Variants in PDZRN4 observed in about 807,000 individuals in gnomAD.
The protein encoded by PDZRN4 is PDZ domain containing ring finger 4.
A neutral mutation model predicts 99.0 loss-of-function variants in PDZRN4; 70 were observed. That is an observed-to-expected ratio of 0.71 (90% CI 0.58 to 0.86). The LOEUF (loss-of-function observed/expected upper bound fraction) is 0.86, where lower values mean the gene tolerates loss of function less well. Among genes scored for constraint, PDZRN4 ranks in the 40% least tolerant of loss-of-function variants. The pLI is 0.00. For missense variants in PDZRN4, 1,474 were observed against 1,331.2 expected, an observed-to-expected ratio of 1.11 and a Z score of -1.67; for synonymous variants, 551 against 501.6, an observed-to-expected ratio of 1.10 and a Z score of -1.32.
intron 3 of PDZRN4, among the ~76,000 whole-genome samples, chr12:41,316,303 G>T (rs1384792837): frequency 6.6e-6 from 1 of 152,050 alleles, no homozygotes; most frequent in African/African-American, 2.4e-5. Flanking sequence ...AATCAAGATA[G>T]GGAAGCAATG....
intron 6 of PDZRN4, among the ~76,000 whole-genome samples, chr12:41,554,956 C>T (rs868713358): frequency 4.0e-5 from 6 of 150,752 alleles, no homozygotes; most frequent in African/African-American, 1.5e-4. Flanking sequence ...CGCCTGTAAT[C>T]CTAGCACTTT....
chr12:41,518,091 A>C (rs1485408617), intron 5 of PDZRN4, among the ~76,000 whole-genome samples: 1 of 152,106 alleles, frequency 6.6e-6, no homozygotes, highest in African/African-American at 2.4e-5. Flanking sequence ...ATTGTCTCTG[A>C]AATGAATGAG....
chr12:41,354,893 A>G (rs1173418821), intron 3 of PDZRN4, among the ~76,000 whole-genome samples: 1 of 152,068 alleles, frequency 6.6e-6, no homozygotes, highest in Non-Finnish European at 1.5e-5. Context: ...TATCGTACAT[A>G]CCATTACAAA....
At chr12:41,202,136 G>A (rs1187223587) in intron 3 of PDZRN4, among the ~76,000 whole-genome samples, 1 of 152,098 alleles carries the variant, frequency 6.6e-6, no homozygotes, top group East Asian at 1.9e-4. Context: ...CTTGTAAATG[G>A]TCTTGTGAAA....
At chr12:41,513,446 T>A (rs1461365938) in intron 5 of PDZRN4, among the ~76,000 whole-genome samples, 1 of 152,084 alleles carries the variant, frequency 6.6e-6, no homozygotes, top group Non-Finnish European at 1.5e-5. Flanking sequence ...GCTTGAAACT[T>A]GTTCTCTTTA....
At chr12:41,461,130 T>G (rs1952869748) in intron 3 of PDZRN4, among the ~76,000 whole-genome samples, 1 of 152,160 alleles carries the variant, frequency 6.6e-6, no homozygotes, top group Admixed American at 6.5e-5. Flanking sequence ...CTCCACGTGA[T>G]TCTACCAACC....
intron 3 of PDZRN4, among the ~76,000 whole-genome samples, chr12:41,433,594 A>G (rs1952603080): frequency 6.6e-6 from 1 of 152,196 alleles, no homozygotes; most frequent in Non-Finnish European, 1.5e-5. Context: ...GATAGTGGCA[A>G]GGGTAAAGAG....
chr12:41,351,467 G>T (rs1951889981), intron 3 of PDZRN4, among the ~76,000 whole-genome samples: 1 of 152,022 alleles, frequency 6.6e-6, no homozygotes, highest in Non-Finnish European at 1.5e-5. Context: ...GGTTTAATTG[G>T]CTTATGGTTC....
intron 3 of PDZRN4, among the ~76,000 whole-genome samples, chr12:41,365,240 A>G (rs193184097): frequency 1.4e-4 from 21 of 152,242 alleles, no homozygotes; most frequent in Admixed American, 1.3e-3. Context: ...AATGAAGCCC[A>G]TAGTGATTTA....
At chr12:41,485,951 A>G (rs899309393) in intron 3 of PDZRN4, among the ~76,000 whole-genome samples, 21 of 152,168 alleles carry the variant, frequency 1.4e-4, no homozygotes, top group African/African-American at 5.1e-4. Flanking sequence ...AAGACAACAT[A>G]CTGTTTAGGA....
At position 41,225,445 on chromosome 12, in the gene PDZRN4, T is replaced by TC. The variant is rs1950987088; in HGVS notation, c.843+31258dup. On this transcript the variant is annotated intron_variant, in intron 3 of 9. Coordinates refer to ENST00000402685, the MANE Select transcript of PDZRN4 (RefSeq NM_001164595.2). ...TTTATATTACACTGTGTTTTTTTTT[T>TC]CTGATGTCATCTGTCACCTGTATTA... Among the ~76,000 whole-genome samples the TC allele has an allele frequency of 2.0e-5, 3 of 151,916 alleles. No individual in the cohort carries two copies. The South Asian group carries it at 6.2e-4, about 32-fold the overall frequency.
intron 3 of PDZRN4, among the ~76,000 whole-genome samples, chr12:41,195,512 C>T (rs1437136085): frequency 6.6e-6 from 1 of 151,908 alleles, no homozygotes; most frequent in Non-Finnish European, 1.5e-5. Flanking sequence ...ATATAGAAGA[C>T]CCAATAGTTT....
chr12:41,287,019 C>G (rs532728955), intron 3 of PDZRN4, among the ~76,000 whole-genome samples: 1 of 152,192 alleles, frequency 6.6e-6, no homozygotes, highest in African/African-American at 2.4e-5. Context: ...GCTTTTGTAG[C>G]CTTCTCATTC....
chr12:41,262,714 G>A (rs1179734816), intron 3 of PDZRN4, among the ~76,000 whole-genome samples: 1 of 146,686 alleles, frequency 6.8e-6, no homozygotes, highest in East Asian at 1.9e-4. Context: ...GAAAACTCAA[G>A]GGGAAACTAG....
At chr12:41,263,576 A>T (rs1373426415) in intron 3 of PDZRN4, among the ~76,000 whole-genome samples, 2 of 152,122 alleles carry the variant, frequency 1.3e-5, no homozygotes, top group African/African-American at 2.4e-5. Context: ...AATCCCAGCT[A>T]CTCAGGAGGC....
chr12:41,215,581 C>T lies in PDZRN4; in HGVS notation c.843+21393C>T, dbSNP rs571873578. Among the ~76,000 whole-genome samples, 4 of 152,094 alleles carry T rather than the reference C, an allele frequency of 2.6e-5. No individual in the cohort carries two copies. In the East Asian group the frequency reaches 7.8e-4, roughly 29 times the overall value. ...ACCTTTAGTTTTATTTGCATTCTGG[C>T]TGATAATTCACTGTCATTAGAACCT... On this transcript the variant is annotated intron_variant, in intron 3 of 9. Coordinates refer to ENST00000402685, the MANE Select transcript of PDZRN4 (RefSeq NM_001164595.2).
intron 3 of PDZRN4, among the ~76,000 whole-genome samples, chr12:41,276,034 G>A (rs1951347957): frequency 6.6e-6 from 1 of 152,120 alleles, no homozygotes; most frequent in Non-Finnish European, 1.5e-5. Flanking sequence ...TGGTTGACTA[G>A]CAGTAGTTTC....
chr12:41,309,970 TCAC>T (rs1951595975), intron 3 of PDZRN4, among the ~76,000 whole-genome samples: 1 of 152,122 alleles, frequency 6.6e-6, no homozygotes, highest in African/African-American at 2.4e-5. Context: ...TCTTACTCTG[TCAC>T]CCAGGCTGGA....
At chr12:41,477,975 C>A in intron 3 of PDZRN4, 1 of 1,096,600 alleles carries the variant, frequency 9.1e-7, no homozygotes, top group Non-Finnish European at 1.3e-6. Flanking sequence ...TATCAGTGAG[C>A]GAATTAATCT....
Sources: allele counts gnomAD v4.1 joint callset (sites outside exome capture counted in the v4.1 genomes callset), GRCh38; gene constraint gnomAD v4.1.1; transcripts MANE v1.5; gene names NCBI Gene and HGNC (gene_info 2026-07-23, HGNC 2026-07-21).